DCT: variants seen among roughly 807,000 people sequenced by gnomAD.
DCT encodes dopachrome tautomerase, also known as L-dopachrome tautomerase.
A neutral mutation model predicts 53.0 loss-of-function variants in DCT; 47 were observed. That is an observed-to-expected ratio of 0.89 (90% CI 0.70 to 1.13). DCT has a LOEUF of 1.13. DCT is among the 50% of genes most tolerant of loss of function. The pLI is 0.00. For missense variants in DCT, 669 were observed against 637.4 expected (o/e 1.05, Z -0.53); for synonymous variants, 244 against 237.0 (o/e 1.03, Z -0.27).
rs143672390 is a variant in DCT, at chr13:94,465,798, C to T, written c.698G>A (p.Arg233Gln). Reference protein sequence around the residue: ...HLLCLERDLQRLIGNESFALP... With the variant: ...HLLCLERDLQQLIGNESFALP... ...AGCAAAAGACTCATTGCCAATGAGT[C>T]GCTAAAAGCAAAGGGCAGGCCTAGT... Residue 233 changes from arginine to glutamine, a missense_variant and splice_region_variant, in exon 4 of 8, where the codon CGA (arginine) becomes CAA (glutamine). Transcript: ENST00000377028. The T allele has an allele frequency of 3.7e-6, 6 of 1,608,900 alleles. No individual in the cohort carries two copies. In the South Asian group the frequency reaches 4.4e-5, roughly 12 times the overall value.
At chr13:94,521,379 A>T in the DCT span, among the ~76,000 whole-genome samples, 1 of 152,144 alleles carries the variant, frequency 6.6e-6, no homozygotes, top group Non-Finnish European at 1.5e-5. Flanking sequence ...CATGTTAAGA[A>T]CCCTTTAGTG....
chr13:94,515,080 G>C, the DCT span, among the ~76,000 whole-genome samples: 3 of 152,170 alleles, frequency 2.0e-5, no homozygotes, highest in Non-Finnish European at 2.9e-5. Flanking sequence ...TACCATGTGA[G>C]AACACAACAA....
chr13:94,537,739 A>G, the DCT span, among the ~76,000 whole-genome samples: 1 of 152,232 alleles, frequency 6.6e-6, no homozygotes, highest in African/African-American at 2.4e-5. Context: ...AAGTCAATAG[A>G]TGTAAACAAG....
chr13:94,511,858 G>T, the DCT span, among the ~76,000 whole-genome samples: 1 of 139,936 alleles, frequency 7.1e-6, no homozygotes, highest in Admixed American at 6.8e-5. Context: ...GTGTGTGTGT[G>T]TGTGTGTGTG....
chr13:94,448,021 G>T (rs995977118), intron 6 of DCT, among the ~76,000 whole-genome samples: 2 of 152,170 alleles, frequency 1.3e-5, no homozygotes, highest in Admixed American at 1.3e-4. Flanking sequence ...GCTGAGGCAA[G>T]AGGATCACAT....
the DCT span, among the ~76,000 whole-genome samples, chr13:94,504,516 T>C: frequency 6.6e-6 from 1 of 152,108 alleles, no homozygotes; most frequent in Admixed American, 6.5e-5. Context: ...TACAGGTGCC[T>C]GCCACAATGC....
chr13:94,457,809 T>C (rs1883507149), intron 6 of DCT, among the ~76,000 whole-genome samples: 1 of 152,186 alleles, frequency 6.6e-6, no homozygotes, highest in African/African-American at 2.4e-5. Context: ...TTTTGGGGAT[T>C]GGCTGCTGAG....
At chr13:94,525,126 G>A in the DCT span, among the ~76,000 whole-genome samples, 1 of 151,662 alleles carries the variant, frequency 6.6e-6, no homozygotes, top group Non-Finnish European at 1.5e-5. Context: ...TGGAGGTGGA[G>A]TTTCCCTCTT....
intron 6 of DCT, chr13:94,452,790 C>T (rs1594286029): frequency 2.0e-6 from 1 of 494,180 alleles, no homozygotes; most frequent in Admixed American, 4.1e-5. Flanking sequence ...CCCTTCAGAA[C>T]TGAAATGATT....
At chr13:94,508,619 A>G in the DCT span, among the ~76,000 whole-genome samples, 3 of 152,170 alleles carry the variant, frequency 2.0e-5, no homozygotes, top group African/African-American at 7.2e-5. Context: ...GAGGAGAAAG[A>G]CTCAGGAGGA....
upstream of DCT, among the ~76,000 whole-genome samples, chr13:94,483,249 T>A (rs919689368): frequency 6.6e-6 from 1 of 151,408 alleles, no homozygotes. Context: ...CACTCCAGCC[T>A]GCAGAAAGGA....
intron 1 of DCT, among the ~76,000 whole-genome samples, chr13:94,476,727 G>GCTTGGCTCCCAAAGTC (rs1885115780): frequency 6.6e-6 from 1 of 152,126 alleles, no homozygotes; most frequent in Non-Finnish European, 1.5e-5. Flanking sequence ...CTCCCAAAGT[G>GCTTGGCTCCCAAAGTC]CTTGGCTCCC....
chr13:94,464,317 C>A (rs938060633), intron 4 of DCT, among the ~76,000 whole-genome samples: 1 of 152,136 alleles, frequency 6.6e-6, no homozygotes, highest in Non-Finnish European at 1.5e-5. Flanking sequence ...GGACCTGGGA[C>A]GAAAGACAGA....
At chr13:94,488,543 A>G in the DCT span, among the ~76,000 whole-genome samples, 1 of 151,944 alleles carries the variant, frequency 6.6e-6, no homozygotes, top group African/African-American at 2.4e-5. Context: ...GGCGTAACCT[A>G]TTTCTACAAA....
At chr13:94,472,544 ATATATATATATATATATATATATATTT>A (rs1884755562) in intron 1 of DCT, among the ~76,000 whole-genome samples, 2 of 26,738 alleles carry the variant, frequency 7.5e-5, no homozygotes, top group East Asian at 1.6e-3. Context: ...ATATATATAT[ATATATATATATATATATATATATATTT>A]TTTTTTTTTT....
At chr13:94,524,260 C>G in the DCT span, among the ~76,000 whole-genome samples, 1 of 152,222 alleles carries the variant, frequency 6.6e-6, no homozygotes, top group African/African-American at 2.4e-5. Context: ...ACTCAATGGG[C>G]TGTGGCACCT....
the DCT span, among the ~76,000 whole-genome samples, chr13:94,507,804 AT>A: frequency 5.3e-5 from 8 of 152,270 alleles, no homozygotes; most frequent in East Asian, 1.5e-3. Context: ...CCCGCCGTAT[AT>A]TGACTATTTT....
At chr13:94,528,912 T>C in the DCT span, among the ~76,000 whole-genome samples, 6,943 of 150,770 alleles carry the variant, frequency 0.046, 515 homozygotes, top group African/African-American at 0.16. Flanking sequence ...TGTGCAAAGA[T>C]GCACATAGGC....
chr13:94,485,058 T>C, the DCT span, among the ~76,000 whole-genome samples: 1 of 145,556 alleles, frequency 6.9e-6, no homozygotes, highest in African/African-American at 2.6e-5. Context: ...AATGACCGAA[T>C]GTCAAGGTCC....
Sources: gnomAD v4.1 joint callset for allele counts (sites outside exome capture counted in the v4.1 genomes callset) on GRCh38, gnomAD v4.1.1 for gene constraint, MANE v1.5 for transcripts, NCBI Gene and HGNC (gene_info 2026-07-23, HGNC 2026-07-21) for gene names.